CNTN4: variants seen among roughly 807,000 people sequenced by gnomAD.
The protein encoded by CNTN4 is contactin 4.
In CNTN4, 77 loss-of-function variants were observed where a neutral mutation model predicts 122.5. That is an observed-to-expected ratio of 0.63 (90% CI 0.52 to 0.76). The LOEUF is 0.76. Among genes scored for constraint, CNTN4 ranks in the 30% least tolerant of loss-of-function variants. The pLI is 0.00. For synonymous variants in CNTN4, 512 were observed against 447.0 expected, an observed-to-expected ratio of 1.15 and a Z score of -1.83; for missense variants, 1,256 against 1,259.1, an observed-to-expected ratio of 1.00 and a Z score of 0.04.
rs192222080 is a variant in CNTN4 at position 2,800,436 on chromosome 3, C to G, written c.359-19050C>G. On this transcript the variant is annotated intron_variant, in intron 6 of 24. Transcript: ENST00000418658. ...AATCTCACAGCATTTTGTTTACATA[C>G]CACTAAAGTTCTTATTATCTGTTTT... Among the ~76,000 whole-genome samples, 599 of 152,250 alleles carry G rather than the reference C, an allele frequency of 3.9e-3. 1 individual carries two copies. Among genetic ancestry groups the G allele is most frequent in the South Asian group, 0.015 (72 of 4,824 alleles).
chr3:2,418,953 G>C (rs905468969), intron 3 of CNTN4, among the ~76,000 whole-genome samples: 3 of 152,156 alleles, frequency 2.0e-5, no homozygotes, highest in African/African-American at 7.2e-5. Flanking sequence ...CTCATGCCAG[G>C]ACAAGGGCAC....
intron 2 of CNTN4, among the ~76,000 whole-genome samples, chr3:2,143,639 A>G (rs1031651799): frequency 6.6e-6 from 1 of 152,178 alleles, no homozygotes; most frequent in Non-Finnish European, 1.5e-5. Flanking sequence ...TGTTAAATGC[A>G]TGTTGTGTGC....
intron 8 of CNTN4, among the ~76,000 whole-genome samples, chr3:2,882,353 G>A (rs1283855701): frequency 4.0e-5 from 6 of 150,994 alleles, no homozygotes; most frequent in South Asian, 4.2e-4. Context: ...GTGACAGAGC[G>A]AGACTTCGTC....
chr3:2,386,426 C>G (rs2046260035), intron 3 of CNTN4, among the ~76,000 whole-genome samples: 1 of 152,186 alleles, frequency 6.6e-6, no homozygotes, highest in Non-Finnish European at 1.5e-5. Context: ...CCATCTGGGG[C>G]CAGTTCCCCT....
chr3:2,733,916 G>T (rs1313133058), intron 4 of CNTN4, among the ~76,000 whole-genome samples: 1 of 151,988 alleles, frequency 6.6e-6, no homozygotes, highest in Non-Finnish European at 1.5e-5. Flanking sequence ...ACTTTTTATT[G>T]ATGTGGTATT....
Position 3,037,029 on chromosome 3 carries a change from A to G in CNTN4, c.1943-150A>G, listed in dbSNP as rs535112995. The G allele has an allele frequency of 2.9e-5, 26 of 895,990 alleles. No individual in the cohort carries two copies. The South Asian group carries it at 3.5e-4, about 12-fold the overall frequency. The allele number at this position is 895,990 out of a possible 1,614,324, so 55.5% of individuals were successfully genotyped here. A position where few individuals can be genotyped will look rare whatever the true frequency, so the allele number is the denominator to read the frequency against. ...AGTTCTGAGATTACCTCACTGAAAC[A>G]ACTGTTGATGCAGCTAATATCAGAA... On this transcript the variant is annotated intron_variant, in intron 17 of 24. Transcript: ENST00000418658.
chr3:2,872,679 CTT>C (rs1418749382), intron 8 of CNTN4, among the ~76,000 whole-genome samples: 1 of 152,052 alleles, frequency 6.6e-6, no homozygotes, highest in Non-Finnish European at 1.5e-5. Flanking sequence ...CAAATTCTCT[CTT>C]TCTCTGTACT....
chr3:2,894,246 A>C (rs1426435443), intron 10 of CNTN4, among the ~76,000 whole-genome samples: 1 of 152,154 alleles, frequency 6.6e-6, no homozygotes, highest in Non-Finnish European at 1.5e-5. Flanking sequence ...ACACATATAT[A>C]ATTGGAAAGA....
At chr3:2,340,710 T>TAG (rs747326741) in intron 3 of CNTN4, among the ~76,000 whole-genome samples, 188 of 18,300 alleles carry the variant, frequency 0.01, 13 homozygotes, top group South Asian at 0.024. Context: ...TATATATATA[T>TAG]AGAGAGAGAG....
At chr3:2,355,909 G>T (rs2044851222) in intron 3 of CNTN4, among the ~76,000 whole-genome samples, 1 of 152,194 alleles carries the variant, frequency 6.6e-6, no homozygotes, top group Non-Finnish European at 1.5e-5. Context: ...TCAAATTGTA[G>T]CAGGGGCAGG....
intron 14 of CNTN4, among the ~76,000 whole-genome samples, chr3:2,996,354 T>C (rs1327864351): frequency 6.6e-6 from 1 of 152,190 alleles, no homozygotes; most frequent in East Asian, 1.9e-4. Context: ...TGGTCAGATA[T>C]TGCAGGCAAA....
chr3:2,265,957 G>C (rs2041027024), intron 2 of CNTN4, among the ~76,000 whole-genome samples: 1 of 152,038 alleles, frequency 6.6e-6, no homozygotes, highest in Non-Finnish European at 1.5e-5. Context: ...TCAGATTTAA[G>C]AGTTTTTCGT....
At chr3:2,664,126 T>G (rs1304050446) in intron 4 of CNTN4, among the ~76,000 whole-genome samples, 1 of 152,170 alleles carries the variant, frequency 6.6e-6, no homozygotes, top group African/African-American at 2.4e-5. Context: ...TACTTAAAAC[T>G]ATTGAATTAT....
intron 2 of CNTN4, among the ~76,000 whole-genome samples, chr3:2,290,068 C>T (rs2042076801): frequency 2.0e-5 from 3 of 152,034 alleles, no homozygotes; most frequent in African/African-American, 4.8e-5. Flanking sequence ...ACACCTAACA[C>T]GATGGAGTAA....
At position 2,951,531 on chromosome 3, in the gene CNTN4, G is replaced by A. The variant is rs183772291; in HGVS notation, c.1358+25752G>A. On this transcript the variant is annotated intron_variant, in intron 13 of 24. Transcript: ENST00000418658. ...AGTCTGTCTGCAGCCTGGGGGTTGG[G>A]GACCCCTGTTCTAGACTACTGTGTA... 2.7e-3 allele frequency among the ~76,000 whole-genome samples: 407 copies of A among 152,276 alleles called. 2 individuals are homozygous for A. Among genetic ancestry groups the A allele is most frequent in the Non-Finnish European group, 4.2e-3 (286 of 68,020 alleles).
At chr3:2,688,077 CAA>C (rs2085529333) in intron 4 of CNTN4, among the ~76,000 whole-genome samples, 1 of 151,744 alleles carries the variant, frequency 6.6e-6, no homozygotes, top group Non-Finnish European at 1.5e-5. Flanking sequence ...ACAACAACAA[CAA>C]AAGATAAAAA....
At position 2,779,212 on chromosome 3, in the gene CNTN4, A is replaced by G. The variant is rs1392330684; in HGVS notation, c.358+33515A>G. Among the ~76,000 whole-genome samples, 3 of 151,990 alleles carry G rather than the reference A, an allele frequency of 2.0e-5. No individual in the cohort carries two copies. In the East Asian group the frequency reaches 5.8e-4, roughly 29 times the overall value. On this transcript the variant is annotated intron_variant, in intron 6 of 24. Transcript: ENST00000418658. The stretch of plus-strand genomic sequence containing the variant: ...TGGCTTGAATCTTAGACCAATATTT[A>G]ATGGCTTCCTTTTCAGGTTGTGGTG...
intron 3 of CNTN4, among the ~76,000 whole-genome samples, chr3:2,379,491 T>C (rs1294234189): frequency 1.3e-5 from 2 of 152,226 alleles, no homozygotes; most frequent in African/African-American, 4.8e-5. Context: ...AAGATGAAGA[T>C]ATTGCATCCG....
chr3:2,758,585 T>C (rs1342252253), intron 6 of CNTN4, among the ~76,000 whole-genome samples: 1 of 146,852 alleles, frequency 6.8e-6, no homozygotes, highest in Non-Finnish European at 1.5e-5. Flanking sequence ...GGATCTCGGC[T>C]CACCTCTGCC....
Sources: gnomAD v4.1 joint callset for allele counts (sites outside exome capture counted in the v4.1 genomes callset) on GRCh38, gnomAD v4.1.1 for gene constraint, MANE v1.5 for transcripts, NCBI Gene and HGNC (gene_info 2026-07-23, HGNC 2026-07-21) for gene names.